KCTD17: variants seen among roughly 807,000 people sequenced by gnomAD.
KCTD17 encodes potassium channel tetramerization domain containing 17.
Under a neutral mutation model 41.5 loss-of-function variants are expected in KCTD17, and 20 were observed. The observed-to-expected ratio is 0.48, with a 90% CI of 0.34 to 0.70. The LOEUF (loss-of-function observed/expected upper bound fraction) is 0.70. Among genes scored for constraint, KCTD17 ranks in the 30% least tolerant of loss-of-function variants. The pLI is 0.01. For synonymous variants in KCTD17, 156 were observed against 173.8 expected (o/e 0.90, Z 0.80); for missense variants, 317 against 427.2 (o/e 0.74, Z 2.27).
In KCTD17 at chr22:37,062,920, A is replaced by C; in HGVS notation, c.*326A>C. 5 of 351,904 alleles carry C rather than the reference A, an allele frequency of 1.4e-5. No individual in the cohort carries two copies. The highest frequency in any genetic ancestry group is 4.4e-5 in the Admixed American group (1 of 22,836). The allele number at this position is 351,904 out of a possible 1,614,324, so 21.8% of individuals were successfully genotyped here. A position where few individuals can be genotyped will look rare whatever the true frequency, so the allele number is the denominator to read the frequency against. ...TCCTTGAGCCTTAGTCCAGGGGGTC[A>C]CTCCTCCCACCCCACCTACCTCACA... On this transcript the variant is annotated 3_prime_UTR_variant, in exon 9 of 9. Transcript: ENST00000403888.
chr22:37,057,271 C>T, intron 3 of KCTD17, 127 bp from the exon 4 acceptor site: 1 of 762,520 alleles, frequency 1.3e-6, no homozygotes, highest in Non-Finnish European at 2.3e-6. Context: ...CCCCCAACCA[C>T]CTCTTCTTTC....
chr22:37,057,025 G>A (rs1442906529), intron 3 of KCTD17, among the ~76,000 whole-genome samples: 1 of 152,112 alleles, frequency 6.6e-6, no homozygotes, highest in East Asian at 1.9e-4. Context: ...TTGAGGGCCT[G>A]ACTCCTTGAG....
Position 37,062,947 on chromosome 22 carries a change from GGTT to G in KCTD17, c.*359_*361del, listed in dbSNP as rs1925968105. On this transcript the variant is annotated 3_prime_UTR_variant, in exon 9 of 9. Transcript: ENST00000403888. ...TCCTCCCACCCCACCTACCTCACAG[GGTT>G]GTTGTGAGGGTGCACAGAGGAGCAA... is the stretch of plus-strand genomic sequence containing the variant. The G allele has an allele frequency of 3.2e-6, 1 of 316,838 alleles. No individual in the cohort carries two copies. The highest frequency in any genetic ancestry group is 2.1e-5 in the African/African-American group (1 of 46,968). The allele number at this position is 316,838 out of a possible 1,614,324, so 19.6% of individuals were successfully genotyped here.
chr22:37,056,142 G>A (rs1275074752), intron 2 of KCTD17, among the ~76,000 whole-genome samples, 178 bp from the exon 3 acceptor site: 2 of 152,298 alleles, frequency 1.3e-5, no homozygotes, highest in Non-Finnish European at 2.9e-5. Context: ...TCCACAGGAA[G>A]TGTGGGATCC....
intron 5 of KCTD17, 105 bp downstream of exon 5, chr22:37,059,543 C>T (rs1039050978): frequency 1.1e-5 from 15 of 1,330,048 alleles, no homozygotes; most frequent in Middle Eastern, 2.7e-4. Context: ...ACCTCTCTCC[C>T]GCCACCGCCC....
intron 8 of KCTD17, chr22:37,062,309 T>A: frequency 1.0e-6 from 1 of 984,820 alleles, no homozygotes; most frequent in African/African-American, 1.8e-5. Flanking sequence ...GGGGAGCCCT[T>A]GCTGCTCCCC....
In KCTD17 at chr22:37,063,037, G is replaced by A; in HGVS notation, c.*443G>A. ...CCCACCTTCAGCTGCCCTGGGATGG[G>A]AAGGACCCAGCCCGACCCCTGGGCA... On this transcript the variant is annotated 3_prime_UTR_variant, in exon 9 of 9. Coordinates refer to ENST00000403888, the MANE Select transcript of KCTD17 (RefSeq NM_001282684.2). The surrounding 1 kb of genome is among the most constrained non-coding windows in gnomAD (Gnocchi z 4.6). 5.8e-6 allele frequency: 1 copy of A among 171,090 alleles called. No homozygotes were observed. Among genetic ancestry groups the A allele is most frequent in the Non-Finnish European group, 1.2e-5 (1 of 80,466 alleles). The allele number at this position is 171,090 out of a possible 1,614,324, so 10.6% of individuals were successfully genotyped here. A position where few individuals can be genotyped will look rare whatever the true frequency, so the allele number is the denominator to read the frequency against.
Position 37,059,441 on chromosome 22 carries a change from GAGCCC to G in KCTD17, c.612+5_612+9del. 1 of 1,605,492 alleles carries G rather than the reference GAGCCC, an allele frequency of 6.2e-7. No individual in the cohort carries two copies. The highest frequency in any genetic ancestry group is 8.5e-7 in the Non-Finnish European group (1 of 1,177,106). ...CAGAGTCCAGCCGCAAAACCAAGGT[GAGCCC>G]ACCCGCCTCAGCCTGTGTCCGGAGA... is the stretch of plus-strand genomic sequence containing the variant. On this transcript the variant is annotated splice_donor_5th_base_variant and intron_variant, in intron 5 of 8. Coordinates refer to ENST00000403888, the MANE Select transcript of KCTD17 (RefSeq NM_001282684.2).
intron 4 of KCTD17, among the ~76,000 whole-genome samples, chr22:37,057,931 G>A (rs189747877): frequency 4.3e-4 from 66 of 152,354 alleles, no homozygotes; most frequent in African/African-American, 1.4e-3. Context: ...CAGGGTCTCC[G>A]CAGGGGACAT....
chr22:37,052,329 C>T (rs28412036), intron 1 of KCTD17: 2 of 355,930 alleles, frequency 5.6e-6, no homozygotes. Flanking sequence ...ATGTGGGTGG[C>T]GGAGGGGTGC....
intron 5 of KCTD17, among the ~76,000 whole-genome samples, chr22:37,060,106 G>C (rs1379234031): frequency 6.6e-6 from 1 of 152,200 alleles, no homozygotes; most frequent in African/African-American, 2.4e-5. Context: ...CTGAGCGGGG[G>C]TCCTGCCATC....
chr22:37,062,852 G>T lies in KCTD17; in HGVS notation c.*258G>T. On this transcript the variant is annotated 3_prime_UTR_variant, in exon 9 of 9. Transcript: ENST00000403888. ...TGCGTCCCCTCTCCCGGGCTCCCCT[G>T]CTGCATGGTGGATGTGCTCCTTCCT... 1.4e-6 allele frequency: 1 copy of T among 693,448 alleles called. No homozygotes were observed. The highest frequency in any genetic ancestry group is 2.3e-6 in the Non-Finnish European group (1 of 438,520). 43.0% of individuals were successfully genotyped at this position (693,448 alleles called of 1,614,324 possible). A position where few individuals can be genotyped will look rare whatever the true frequency, so the allele number is the denominator to read the frequency against.
intron 8 of KCTD17, chr22:37,062,259 G>C: frequency 1.0e-6 from 1 of 984,966 alleles, no homozygotes; most frequent in Non-Finnish European, 1.2e-6. Context: ...GGCCGCCACC[G>C]AGCCCAAGAC....
rs1925914978 is a variant in KCTD17 at position 37,062,511 on chromosome 22, T to C, written c.876-14T>C. The C allele has an allele frequency of 2.6e-6, 4 of 1,510,178 alleles. No individual in the cohort carries two copies. Among genetic ancestry groups the C allele is most frequent in the Non-Finnish European group, 3.6e-6 (4 of 1,120,716 alleles). The allele number at this position is 1,510,178 out of a possible 1,614,324, so 93.5% of individuals were successfully genotyped here. Reference sequence around the variant, plus strand: ...CCCTCCCATCCTCCTGCCCTTCCCCTCTTTTTTTTCTAGCTGTTACAAGCC... The same window carrying C: ...CCCTCCCATCCTCCTGCCCTTCCCCCCTTTTTTTTCTAGCTGTTACAAGCC... On this transcript the variant is annotated splice_polypyrimidine_tract_variant and intron_variant, in intron 8 of 8. Coordinates refer to ENST00000403888, the MANE Select transcript of KCTD17 (RefSeq NM_001282684.2).
chr22:37,062,826 C>T lies in KCTD17; in HGVS notation c.*232C>T. 1.1e-6 allele frequency: 1 copy of T among 908,348 alleles called. No individual in the cohort carries two copies. The highest frequency in any genetic ancestry group is 1.6e-6 in the Non-Finnish European group (1 of 629,010). 56.3% of individuals were successfully genotyped at this position (908,348 alleles called of 1,614,324 possible). A position where few individuals can be genotyped will look rare whatever the true frequency, so the allele number is the denominator to read the frequency against. On this transcript the variant is annotated 3_prime_UTR_variant, in exon 9 of 9. Transcript: ENST00000403888. ...ATGTCTGGCTGTGTCTCTCCGGCAC[C>T]TGCGTCCCCTCTCCCGGGCTCCCCT... is the stretch of plus-strand genomic sequence containing the variant.
intron 5 of KCTD17, 130 bp downstream of exon 5, chr22:37,059,568 G>A: frequency 9.0e-7 from 1 of 1,107,992 alleles, no homozygotes; most frequent in Non-Finnish European, 1.3e-6. Flanking sequence ...ACAACCCCAT[G>A]CTCACAGCCA....
At chr22:37,052,377 C>A (rs1924595742) in intron 1 of KCTD17, 2 of 383,534 alleles carry the variant, frequency 5.2e-6, no homozygotes, top group South Asian at 3.8e-5. Flanking sequence ...GGGGCGCCTT[C>A]TGAGCGGGCT....
At chr22:37,058,392 A>G (rs1925382850) in intron 4 of KCTD17, among the ~76,000 whole-genome samples, 1 of 152,242 alleles carries the variant, frequency 6.6e-6, no homozygotes, top group South Asian at 2.1e-4. Context: ...CTCATCGGTG[A>G]AGTGGGCTAA....
intron 4 of KCTD17, among the ~76,000 whole-genome samples, chr22:37,059,046 A>G (rs1192203136): frequency 6.6e-6 from 1 of 152,144 alleles, no homozygotes; most frequent in Non-Finnish European, 1.5e-5. Context: ...GGACAGCGGT[A>G]ATGCTGCCAC....
Sources: allele counts gnomAD v4.1 joint callset (sites outside exome capture counted in the v4.1 genomes callset), GRCh38; gene constraint gnomAD v4.1.1; non-coding constraint Gnocchi (gnomAD v3.1); transcripts MANE v1.5; gene names NCBI Gene and HGNC (gene_info 2026-07-23, HGNC 2026-07-21).